Variants in PAX5 observed in about 807,000 individuals in gnomAD.
PAX5 encodes paired box 5.
A neutral mutation model predicts 43.7 loss-of-function variants in PAX5; 9 were observed. The observed-to-expected ratio is 0.21, with a 90% CI of 0.12 to 0.36. The LOEUF (loss-of-function observed/expected upper bound fraction) is 0.36. Ranked by LOEUF, PAX5 falls within the 10% of genes least tolerant of loss-of-function variation. PAX5 has a pLI of 1.00. For synonymous variants in PAX5, 228 were observed against 214.3 expected, an observed-to-expected ratio of 1.06 and a Z score of -0.56; for missense variants, 383 against 532.7, an observed-to-expected ratio of 0.72 and a Z score of 2.77.
intron 1 of PAX5, among the ~76,000 whole-genome samples, chr9:37,032,755 C>T (rs1841111231): frequency 6.6e-6 from 1 of 152,108 alleles, no homozygotes; most frequent in Non-Finnish European, 1.5e-5. Flanking sequence ...TGAAAGAGGC[C>T]CCCCATACCT....
Position 37,010,753 on chromosome 9 carries a change from A to G in PAX5, c.411-4216T>C, listed in dbSNP as rs570671963. ...CTGATCAAACTGCCATCAGTGCAGT[A>G]AGAAGCTTGGGCCATCAGCTATGCC... On this transcript the variant is annotated intron_variant, in intron 3 of 9. Transcript: ENST00000358127. Among the ~76,000 whole-genome samples, 3 of 152,296 alleles carry G rather than the reference A, an allele frequency of 2.0e-5. No individual in the cohort carries two copies. In the East Asian group the frequency reaches 5.8e-4, roughly 29 times the overall value.
chr9:36,900,307 C>T (rs1280395636), intron 7 of PAX5, among the ~76,000 whole-genome samples: 1 of 152,152 alleles, frequency 6.6e-6, no homozygotes, highest in Non-Finnish European at 1.5e-5. Context: ...TCTGCTGAGG[C>T]GGAGGTCCTA....
intron 6 of PAX5, among the ~76,000 whole-genome samples, chr9:36,961,636 T>G (rs981901965): frequency 2.6e-5 from 4 of 152,194 alleles, no homozygotes; most frequent in Non-Finnish European, 4.4e-5. Flanking sequence ...AAAGCCAGAT[T>G]AATAGCCTGG....
intron 7 of PAX5, among the ~76,000 whole-genome samples, chr9:36,885,446 G>A (rs3780139): frequency 0.074 from 11,313 of 152,240 alleles, 439 homozygotes; most frequent in Middle Eastern, 0.18. Flanking sequence ...ATAATAGCCA[G>A]CGCTTACGGA....
At chr9:36,920,713 A>G (rs1299943828) in intron 7 of PAX5, among the ~76,000 whole-genome samples, 2 of 152,082 alleles carry the variant, frequency 1.3e-5, no homozygotes, top group East Asian at 1.9e-4. Context: ...AAATGCCTCA[A>G]TGAGCATTTC....
rs999051067 is a variant in PAX5 at position 36,835,576 on chromosome 9, G to T, written c.*4984C>A. 31 of 233,304 alleles carry T rather than the reference G, an allele frequency of 1.3e-4. No individual in the cohort carries two copies. Among genetic ancestry groups the T allele is most frequent in the African/African-American group, 6.6e-4 (30 of 45,360 alleles). 14.5% of individuals were successfully genotyped at this position (233,304 alleles called of 1,614,324 possible). ...ACAGGGGCAAGGGGCTGAAGGGGCTGCTGGGAGGTGGGGCACGCCGTGGGC... is the reference window on the plus strand; with the variant it reads ...ACAGGGGCAAGGGGCTGAAGGGGCTTCTGGGAGGTGGGGCACGCCGTGGGC... On this transcript the variant is annotated 3_prime_UTR_variant, in exon 10 of 10. Coordinates refer to ENST00000358127, the MANE Select transcript of PAX5 (RefSeq NM_016734.3).
At chr9:36,881,876 C>T in intron 8 of PAX5, 128 bp downstream of exon 8, 3 of 752,660 alleles carry the variant, frequency 4.0e-6, no homozygotes, top group Non-Finnish European at 4.5e-6. Context: ...GAGTGCAGAC[C>T]TCTGCCTGAT....
At chr9:36,876,983 G>T (rs1379134608) in intron 8 of PAX5, among the ~76,000 whole-genome samples, 1 of 152,188 alleles carries the variant, frequency 6.6e-6, no homozygotes, top group Non-Finnish European at 1.5e-5. Flanking sequence ...ATAGCCCAAG[G>T]CAAGCGTGCC....
Position 36,902,596 on chromosome 9 carries a change from G to A in PAX5, c.911-20491C>T, listed in dbSNP as rs1253978743. ...GAGGCCCTGAAGCCCAGGTGGAGAG[G>A]GGCCAAAATAGGCTGCAGGATCCGA... On this transcript the variant is annotated intron_variant, in intron 7 of 9. Transcript: ENST00000358127. 2.0e-5 allele frequency among the ~76,000 whole-genome samples: 3 copies of A among 152,206 alleles called. No homozygotes were observed. In the South Asian group the frequency reaches 6.2e-4, roughly 32 times the overall value.
chr9:37,013,274 C>T (rs1248548353), intron 3 of PAX5, among the ~76,000 whole-genome samples: 2 of 152,168 alleles, frequency 1.3e-5, no homozygotes, highest in Non-Finnish European at 2.9e-5. Flanking sequence ...ACTTGTGCTG[C>T]CTAGCTTGCC....
chr9:36,913,890 G>C (rs1173414173), intron 7 of PAX5, among the ~76,000 whole-genome samples: 1 of 152,134 alleles, frequency 6.6e-6, no homozygotes, highest in African/African-American at 2.4e-5. Flanking sequence ...GGTTCTGAGT[G>C]TCCCTTGAAG....
At chr9:36,939,834 C>T (rs3892897) in intron 6 of PAX5, among the ~76,000 whole-genome samples, 110,368 of 152,114 alleles carry the variant, frequency 0.73, 40,676 homozygotes, top group East Asian at 0.8. Flanking sequence ...AGTGAGAGAG[C>T]GCTCGCGTGC....
chr9:37,033,527 T>C (rs2132588254), intron 1 of PAX5, among the ~76,000 whole-genome samples: 1 of 152,030 alleles, frequency 6.6e-6, no homozygotes, highest in African/African-American at 2.4e-5. Context: ...TAGACACACA[T>C]TTTGGATACC....
chr9:36,865,273 C>T (rs910349377), intron 8 of PAX5, among the ~76,000 whole-genome samples: 3 of 152,210 alleles, frequency 2.0e-5, no homozygotes, highest in Admixed American at 6.5e-5. Flanking sequence ...CAACCCTCAG[C>T]TTCTGAGCTC....
At position 37,034,107 on chromosome 9, in the gene PAX5, T is replaced by TC. The variant is rs1455778451; in HGVS notation, c.-77_-76insG. ...TTGTGCCTTTTTTTTTCTTTTTTTT[T>TC]TTTTTTTTTTTTTTTTTTTGGTGCC... is the stretch of plus-strand genomic sequence containing the variant. On this transcript the variant is annotated 5_prime_UTR_variant, in exon 1 of 10. Transcript: ENST00000358127. The TC allele has an allele frequency of 4.7e-5, 37 of 792,998 alleles. No homozygotes were observed. Among genetic ancestry groups the TC allele is most frequent in the East Asian group, 3.9e-4 (14 of 35,984 alleles). The allele number at this position is 792,998 out of a possible 1,614,324, so 49.1% of individuals were successfully genotyped here. A position where few individuals can be genotyped will look rare whatever the true frequency, so the allele number is the denominator to read the frequency against.
At position 37,034,098 on chromosome 9, in the gene PAX5, C is replaced by CTTTCTTTTTTTTTTT. The variant is rs1841297179; in HGVS notation, c.-68_-67insAAAAAAAAAAAGAAA. ...TCCACTTTTTTGTGCCTTTTTTTTT[C>CTTTCTTTTTTTTTTT]TTTTTTTTTTTTTTTTTTTTTTTTT... On this transcript the variant is annotated 5_prime_UTR_variant, in exon 1 of 10. Transcript: ENST00000358127. 56 of 320,088 alleles carry CTTTCTTTTTTTTTTT rather than the reference C, an allele frequency of 1.7e-4. No homozygotes were observed. In the African/African-American group the frequency reaches 2.3e-3, roughly 13 times the overall value. The allele number at this position is 320,088 out of a possible 1,614,324, so 19.8% of individuals were successfully genotyped here. A position where few individuals can be genotyped will look rare whatever the true frequency, so the allele number is the denominator to read the frequency against.
rs946119015 is a variant in PAX5 at position 37,018,601 on chromosome 9, A to G, written c.212+2035T>C. 3.7e-4 allele frequency among the ~76,000 whole-genome samples: 49 copies of G among 133,578 alleles called. 1 individual carries two copies. Among genetic ancestry groups the G allele is most frequent in the Admixed American group, 2.2e-3 (28 of 12,610 alleles). The allele number at this position is 133,578 out of a possible 152,430, so 87.6% of individuals were successfully genotyped here. ...AAAAAAAAAAAAATCTGTGGATTGA[A>G]CGGCCCCAGTTCAGAAATTCCCAGT... On this transcript the variant is annotated intron_variant, in intron 2 of 9. Transcript: ENST00000358127.
chr9:36,980,171 C>T (rs889740179), intron 5 of PAX5, among the ~76,000 whole-genome samples: 10 of 152,234 alleles, frequency 6.6e-5, no homozygotes, highest in South Asian at 2.1e-4. Flanking sequence ...ATCAGGAAAG[C>T]GGCTTGCACC....
chr9:36,928,146 G>T (rs1428047440), intron 6 of PAX5, among the ~76,000 whole-genome samples: 2 of 152,184 alleles, frequency 1.3e-5, no homozygotes, highest in African/African-American at 2.4e-5. Context: ...GTGTTTAATT[G>T]TTCCCTAAGT....
Sources: gnomAD v4.1 joint callset for allele counts (sites outside exome capture counted in the v4.1 genomes callset) on GRCh38, gnomAD v4.1.1 for gene constraint, MANE v1.5 for transcripts, NCBI Gene and HGNC (gene_info 2026-07-23, HGNC 2026-07-21) for gene names.